CADM1: variants seen among roughly 807,000 people sequenced by gnomAD.
CADM1 encodes the protein TSLC-1.
In CADM1, 15 loss-of-function variants were observed where a neutral mutation model predicts 53.1. The observed-to-expected ratio is 0.28, with a 90% confidence interval of 0.19 to 0.44. The LOEUF is 0.44. CADM1 is among the 20% of genes least tolerant of loss of function. The probability of loss-of-function intolerance (pLI) is 1.00; values close to 1 mark genes in which losing one functional copy is unlikely to be tolerated. For synonymous variants in CADM1, 281 were observed against 243.0 expected (o/e 1.16, Z -1.45); for missense variants, 434 against 611.3 (o/e 0.71, Z 3.06).
intron 1 of CADM1, among the ~76,000 whole-genome samples, chr11:115,295,506 T>TTTTATATATA (rs1489851434): frequency 1.1e-4 from 6 of 55,034 alleles, no homozygotes; most frequent in South Asian, 5.8e-4. Flanking sequence ...TCAAGATATT[T>TTTTATATATA]TATATATATA....
chr11:115,422,547 C>T (rs1240982435), intron 1 of CADM1, among the ~76,000 whole-genome samples: 1 of 152,194 alleles, frequency 6.6e-6, no homozygotes, highest in Non-Finnish European at 1.5e-5. Context: ...ACAGGGACAA[C>T]ATGGCCACTA....
rs568267942 is a variant in CADM1 at position 115,420,375 on chromosome 11, G to T, written c.124+83896C>A. On this transcript the variant is annotated intron_variant, in intron 1 of 11. Transcript: ENST00000331581. The stretch of plus-strand genomic sequence containing the variant: ...TGTCAGCCAAAGCTGGCATCCCGGG[G>T]TGTCACAGGTGTATTGATAATTGAC... 3.9e-5 allele frequency among the ~76,000 whole-genome samples: 6 copies of T among 152,238 alleles called. No homozygotes were observed. In the South Asian group the frequency reaches 1.2e-3, roughly 32 times the overall value.
rs371950413 is a variant in CADM1, at chr11:115,309,705, T to C, written c.125-69285A>G. 8.5e-5 allele frequency among the ~76,000 whole-genome samples: 13 copies of C among 152,240 alleles called. No individual in the cohort carries two copies. In the South Asian group the frequency reaches 1.7e-3, roughly 19 times the overall value. ...AAAGGGCCAGCCGTGAGATGTTAGTTCCGGTTCTATCCCCCGGCCGTGTGA... is the reference window on the plus strand; with the variant it reads ...AAAGGGCCAGCCGTGAGATGTTAGTCCCGGTTCTATCCCCCGGCCGTGTGA... On this transcript the variant is annotated intron_variant, in intron 1 of 11. Coordinates refer to ENST00000331581, the MANE Select transcript of CADM1 (RefSeq NM_001301043.2).
intron 1 of CADM1, among the ~76,000 whole-genome samples, chr11:115,293,365 G>A (rs747722187): frequency 2.0e-5 from 3 of 152,110 alleles, no homozygotes; most frequent in Non-Finnish European, 1.5e-5. Context: ...CCCGGCAGGC[G>A]GAGCTTGCAG....
At chr11:115,209,696 T>G in intron 7 of CADM1, 39 bp from the exon 8 acceptor site, 1 of 1,609,722 alleles carries the variant, frequency 6.2e-7, no homozygotes, top group Non-Finnish European at 8.5e-7. Flanking sequence ...CCCACAATGC[T>G]GAACACAACA....
intron 10 of CADM1, among the ~76,000 whole-genome samples, chr11:115,188,778 G>T (rs553692293): frequency 6.6e-6 from 1 of 152,144 alleles, no homozygotes; most frequent in Non-Finnish European, 1.5e-5. Flanking sequence ...AATTTGAGAA[G>T]TTCATCCTTT....
At chr11:115,432,069 C>T (rs921575785) in intron 1 of CADM1, among the ~76,000 whole-genome samples, 7 of 152,042 alleles carry the variant, frequency 4.6e-5, no homozygotes, top group Non-Finnish European at 1.0e-4. Flanking sequence ...ACCTCAGCCT[C>T]CCTAGTAGCT....
At chr11:115,453,530 GCT>G (rs1444848831) in intron 1 of CADM1, among the ~76,000 whole-genome samples, 1 of 152,068 alleles carries the variant, frequency 6.6e-6, no homozygotes, top group African/African-American at 2.4e-5. Flanking sequence ...ACAGAGTCTT[GCT>G]CTGTCACCCA....
At chr11:115,484,442 A>G (rs990044006) in intron 1 of CADM1, among the ~76,000 whole-genome samples, 15 of 152,190 alleles carry the variant, frequency 9.9e-5, no homozygotes, top group African/African-American at 3.6e-4. Flanking sequence ...TCCTCCCTCC[A>G]TGCTTAAGCC....
intron 1 of CADM1, among the ~76,000 whole-genome samples, chr11:115,348,822 TA>T (rs1489004696): frequency 2.0e-5 from 3 of 152,148 alleles, no homozygotes; most frequent in Non-Finnish European, 4.4e-5. Context: ...GCTTTACAAT[TA>T]AAAATATATG....
chr11:115,247,076 C>T (rs1165788537), intron 1 of CADM1, among the ~76,000 whole-genome samples: 1 of 152,146 alleles, frequency 6.6e-6, no homozygotes, highest in Non-Finnish European at 1.5e-5. Flanking sequence ...GGCAAATTAA[C>T]GTTCTCTATT....
intron 1 of CADM1, among the ~76,000 whole-genome samples, chr11:115,446,933 C>T (rs924444909): frequency 2.0e-5 from 3 of 152,178 alleles, no homozygotes; most frequent in African/African-American, 7.2e-5. Flanking sequence ...AATGAGCAAA[C>T]AGGTATGAAT....
At chr11:115,355,497 A>T (rs187492943) in intron 1 of CADM1, among the ~76,000 whole-genome samples, 1 of 152,240 alleles carries the variant, frequency 6.6e-6, no homozygotes, top group South Asian at 2.1e-4. Flanking sequence ...TGAGGATCGG[A>T]AAAAATAACT....
At chr11:115,478,256 G>A (rs977139791) in intron 1 of CADM1, among the ~76,000 whole-genome samples, 6 of 151,684 alleles carry the variant, frequency 4.0e-5, no homozygotes, top group Admixed American at 2.6e-4. Context: ...AAAAGACAAA[G>A]TCCATCAAAG....
intron 1 of CADM1, among the ~76,000 whole-genome samples, chr11:115,384,788 G>C (rs1175768908): frequency 6.6e-6 from 1 of 152,074 alleles, no homozygotes; most frequent in Non-Finnish European, 1.5e-5. Context: ...TAGTGGAAAG[G>C]GGTTAATGGA....
At position 115,401,749 on chromosome 11, in the gene CADM1, G is replaced by A. The variant is rs146847322; in HGVS notation, c.124+102522C>T. Among the ~76,000 whole-genome samples the A allele has an allele frequency of 2.9e-3, 442 of 152,280 alleles. 2 individuals carry two copies. The highest frequency in any genetic ancestry group is 0.01 in the African/African-American group (421 of 41,556). ...GTGTCATTATACCTTTGTTGAAACCGACAGAATGGACAACACCAAGAGTGA... is the reference window on the plus strand; with the variant it reads ...GTGTCATTATACCTTTGTTGAAACCAACAGAATGGACAACACCAAGAGTGA... On this transcript the variant is annotated intron_variant, in intron 1 of 11. Coordinates refer to ENST00000331581, the MANE Select transcript of CADM1 (RefSeq NM_001301043.2).
chr11:115,474,448 C>T (rs1043491139), intron 1 of CADM1, among the ~76,000 whole-genome samples: 2 of 151,830 alleles, frequency 1.3e-5, no homozygotes, highest in Admixed American at 6.6e-5. Flanking sequence ...GGAACCAACC[C>T]AAATGTCCTT....
At chr11:115,498,286 C>T (rs1457466256) in intron 1 of CADM1, among the ~76,000 whole-genome samples, 1 of 152,208 alleles carries the variant, frequency 6.6e-6, no homozygotes, top group East Asian at 1.9e-4. Flanking sequence ...GAAATTAGCA[C>T]TTAGCCAGTT....
Position 115,179,001 on chromosome 11 carries a change from G to C in CADM1, c.1166-226C>G, listed in dbSNP as rs776395323. 4 of 561,642 alleles carry C rather than the reference G, an allele frequency of 7.1e-6. No homozygotes were observed. The African/African-American group carries it at 7.5e-5, about 11-fold the overall frequency. The allele number at this position is 561,642 out of a possible 1,614,324, so 34.8% of individuals were successfully genotyped here. A position where few individuals can be genotyped will look rare whatever the true frequency, so the allele number is the denominator to read the frequency against. On this transcript the variant is annotated intron_variant, in intron 10 of 11. Coordinates refer to ENST00000331581, the MANE Select transcript of CADM1 (RefSeq NM_001301043.2). Reference sequence around the variant, plus strand: ...ATTTCATGATAAGCAGCATAGGAGGGTTAATGCATGTGGAACAAGCTTAGG... The same window carrying C: ...ATTTCATGATAAGCAGCATAGGAGGCTTAATGCATGTGGAACAAGCTTAGG...
Sources: gnomAD v4.1 joint callset for allele counts (sites outside exome capture counted in the v4.1 genomes callset) on GRCh38, gnomAD v4.1.1 for gene constraint, MANE v1.5 for transcripts, NCBI Gene and HGNC (gene_info 2026-07-23, HGNC 2026-07-21) for gene names.